PBX1: variants seen among roughly 807,000 people sequenced by gnomAD.
The protein encoded by PBX1 is PBX homeobox 1.
PBX1 carries 6 observed loss-of-function variants against 53.4 expected under a neutral mutation model. The observed-to-expected ratio is 0.11, with a 90% CI of 0.06 to 0.22. The LOEUF is 0.22. Ranked by LOEUF, PBX1 falls within the 10% of genes least tolerant of loss-of-function variation. The pLI, the probability that PBX1 is intolerant of heterozygous loss-of-function variation, is 1.00. For missense variants in PBX1, 251 were observed against 551.4 expected (o/e 0.46, Z 5.46); for synonymous variants, 204 against 212.3 (o/e 0.96, Z 0.34).
chr1:164,750,432 A>G (rs748730431), intron 2 of PBX1, among the ~76,000 whole-genome samples: 4 of 152,156 alleles, frequency 2.6e-5, no homozygotes, highest in Non-Finnish European at 5.9e-5. Flanking sequence ...ATAAGAAACT[A>G]GTTTCTTAGC....
rs536355022 is a variant in PBX1 at position 164,593,304 on chromosome 1, G to A, written c.265+29993G>A. Among the ~76,000 whole-genome samples the A allele has an allele frequency of 3.9e-5, 6 of 152,220 alleles. No individual in the cohort carries two copies. In the South Asian group the frequency reaches 1.0e-3, roughly 26 times the overall value. On this transcript the variant is annotated intron_variant, in intron 2 of 8. Transcript: ENST00000420696. ...CCCAACTTATCTCTTTATAATTCCA[G>A]ACATCATTTTGTTGGATTTTGACTC...
At chr1:164,703,653 G>A (rs961721090) in intron 2 of PBX1, among the ~76,000 whole-genome samples, 16 of 152,176 alleles carry the variant, frequency 1.1e-4, no homozygotes, top group African/African-American at 3.9e-4. Context: ...CATAGCTACC[G>A]CTTCCGTCAC....
At chr1:164,807,434 ACC>A in intron 4 of PBX1, 106 bp from the exon 5 acceptor site, 1 of 1,388,402 alleles carries the variant, frequency 7.2e-7, no homozygotes, top group Admixed American at 2.3e-5. Context: ...CTCCAAATTC[ACC>A]TTTTGCTCAA....
chr1:164,651,976 A>G (rs1465139873), intron 2 of PBX1: 2 of 138,848 alleles, frequency 1.4e-5, no homozygotes, highest in Non-Finnish European at 3.2e-5. Flanking sequence ...TGTGTAAGGA[A>G]AAGTAGAAGC....
chr1:164,623,691 T>C (rs965585332), intron 2 of PBX1, among the ~76,000 whole-genome samples: 6 of 152,338 alleles, frequency 3.9e-5, no homozygotes, highest in Middle Eastern at 3.4e-3. Flanking sequence ...ATCTTGGTGC[T>C]TGGATATTCC....
At chr1:164,696,293 A>AAGTTGAAGTT (rs1662795977) in intron 2 of PBX1, among the ~76,000 whole-genome samples, 1 of 152,158 alleles carries the variant, frequency 6.6e-6, no homozygotes, top group Non-Finnish European at 1.5e-5. Context: ...AGAGCCTGGT[A>AAGTTGAAGTT]ACCACCTAGA....
chr1:164,767,745 A>T lies in PBX1; in HGVS notation c.266-24749A>T, dbSNP rs187327711. ...AAGTTTATTATTATAAGTGTAGATA[A>T]GGCTCATTCTTATGTAGAGGTCCCA... On this transcript the variant is annotated intron_variant, in intron 2 of 8. Coordinates refer to ENST00000420696, the MANE Select transcript of PBX1 (RefSeq NM_002585.4). Among the ~76,000 whole-genome samples the T allele has an allele frequency of 2.0e-5, 3 of 151,478 alleles. No homozygotes were observed. In the East Asian group the frequency reaches 5.9e-4, roughly 30 times the overall value.
At chr1:164,813,874 A>T (rs970781622) in intron 6 of PBX1, 1 of 152,226 alleles carries the variant, frequency 6.6e-6, no homozygotes, top group Non-Finnish European at 1.5e-5. Flanking sequence ...GTTGCCTCTT[A>T]TGGAATGTCA....
intron 2 of PBX1, among the ~76,000 whole-genome samples, chr1:164,571,880 T>TATAC (rs1653891205): frequency 1.2e-5 from 1 of 80,968 alleles, no homozygotes; most frequent in Non-Finnish European, 2.3e-5. Flanking sequence ...ATTGTATATA[T>TATAC]ATATATATAT....
chr1:164,645,862 G>T (rs1227540969), intron 2 of PBX1, among the ~76,000 whole-genome samples: 2 of 152,146 alleles, frequency 1.3e-5, no homozygotes, highest in Non-Finnish European at 2.9e-5. Context: ...TTAACAATGG[G>T]CGCTTTGAAT....
rs528876002 is a variant in PBX1, at chr1:164,707,418, TGAGAGA to T, written c.266-85043_266-85038del. ...AGGTGTGTGTGTGTGTGTGTGTGTG[TGAGAGA>T]GAGAGAGAGAGAGAGAGAGAGAGAG... On this transcript the variant is annotated intron_variant, in intron 2 of 8. Coordinates refer to ENST00000420696, the MANE Select transcript of PBX1 (RefSeq NM_002585.4). Among the ~76,000 whole-genome samples the T allele has an allele frequency of 2.7e-3, 325 of 118,252 alleles. 2 individuals carry two copies. The highest frequency in any genetic ancestry group is 0.019 in the Middle Eastern group (5 of 264). 77.6% of individuals were successfully genotyped at this position (118,252 alleles called of 152,430 possible). A position where few individuals can be genotyped will look rare whatever the true frequency, so the allele number is the denominator to read the frequency against.
Position 164,847,306 on chromosome 1 carries a change from C to T in PBX1, c.*630C>T. 1.9e-6 allele frequency: 2 copies of T among 1,065,196 alleles called. No individual in the cohort carries two copies. The highest frequency in any genetic ancestry group is 2.3e-6 in the Non-Finnish European group (2 of 879,244). 66.0% of individuals were successfully genotyped at this position (1,065,196 alleles called of 1,614,324 possible). A position where few individuals can be genotyped will look rare whatever the true frequency, so the allele number is the denominator to read the frequency against. On this transcript the variant is annotated 3_prime_UTR_variant, in exon 9 of 9. Transcript: ENST00000420696. ...CCTAGCCCCAGCTATTCACTGGGGA[C>T]TGTCATAGCTGGGATTCTAAAGGTG... is the stretch of plus-strand genomic sequence containing the variant.
chr1:164,720,469 T>A (rs143013903), intron 2 of PBX1, among the ~76,000 whole-genome samples: 1 of 152,308 alleles, frequency 6.6e-6, no homozygotes, highest in Non-Finnish European at 1.5e-5. Context: ...CATTTTCTAC[T>A]GTGCAATGAA....
At chr1:164,866,103 G>A (rs10494426) in intron 2 of PBX1, among the ~76,000 whole-genome samples, 9,153 of 152,176 alleles carry the variant, frequency 0.06, 299 homozygotes, top group East Asian at 0.097. Context: ...AGATCATGGC[G>A]CTTAAAAACT....
At chr1:164,845,954 T>G (rs1216155647) in intron 8 of PBX1, among the ~76,000 whole-genome samples, 4 of 152,216 alleles carry the variant, frequency 2.6e-5, no homozygotes, top group Admixed American at 6.5e-5. Context: ...CATTTGAAAC[T>G]TCATAGCAAT....
intron 2 of PBX1, among the ~76,000 whole-genome samples, chr1:164,692,731 G>A (rs1288180636): frequency 1.4e-5 from 2 of 141,580 alleles, no homozygotes; most frequent in Non-Finnish European, 3.1e-5. Flanking sequence ...TATTGTAGAT[G>A]TATTTTTTAT....
chr1:164,561,782 G>A (rs1653067483), intron 1 of PBX1, among the ~76,000 whole-genome samples: 1 of 152,068 alleles, frequency 6.6e-6, no homozygotes, highest in African/African-American at 2.4e-5. Flanking sequence ...GAAATTTTCA[G>A]TTCTTCCTCT....
intron 7 of PBX1, 96 bp from the exon 8 acceptor site, chr1:164,821,441 G>A: frequency 2.2e-6 from 2 of 904,202 alleles, no homozygotes; most frequent in Non-Finnish European, 1.9e-6. Context: ...GCATTAATAT[G>A]GCATGCCCAA....
intron 2 of PBX1, among the ~76,000 whole-genome samples, chr1:164,771,766 G>GA (rs1667383151): frequency 1.3e-5 from 2 of 152,050 alleles, no homozygotes; most frequent in Admixed American, 1.3e-4. Context: ...TAGGCAATCA[G>GA]AAAAAAGCTG....
Sources: gnomAD v4.1 joint callset for allele counts (sites outside exome capture counted in the v4.1 genomes callset) on GRCh38, gnomAD v4.1.1 for gene constraint, MANE v1.5 for transcripts, NCBI Gene and HGNC (gene_info 2026-07-23, HGNC 2026-07-21) for gene names.